CELF2: variants seen among roughly 807,000 people sequenced by gnomAD.
CELF2 encodes CUG triplet repeat RNA-binding protein 2.
In CELF2, 8 loss-of-function variants were observed where a neutral mutation model predicts 62.6. The observed-to-expected ratio is 0.13, with a 90% CI of 0.07 to 0.23. The LOEUF (loss-of-function observed/expected upper bound fraction) is 0.23, where lower values mean the gene tolerates loss of function less well. Ranked by LOEUF, CELF2 falls within the 10% of genes least tolerant of loss-of-function variation. CELF2 has a pLI of 1.00. For missense variants in CELF2, 333 were observed against 671.0 expected, an observed-to-expected ratio of 0.50 and a Z score of 5.56; for synonymous variants, 258 against 250.0, an observed-to-expected ratio of 1.03 and a Z score of -0.30.
chr10:10,759,357 T>C, the CELF2 span, among the ~76,000 whole-genome samples: 1 of 142,378 alleles, frequency 7.0e-6, no homozygotes, highest in South Asian at 2.3e-4. Context: ...TCTCCCAGGC[T>C]GGAGCACAGT....
At chr10:10,650,636 A>T in the CELF2 span, among the ~76,000 whole-genome samples, 2 of 152,384 alleles carry the variant, frequency 1.3e-5, no homozygotes, top group Non-Finnish European at 2.9e-5. Context: ...ATACAACTTC[A>T]TACTCTCTAG....
intron 1 of CELF2, among the ~76,000 whole-genome samples, chr10:11,031,953 C>A (rs1042707364): frequency 1.3e-5 from 2 of 152,042 alleles, no homozygotes; most frequent in Non-Finnish European, 2.9e-5. Flanking sequence ...ATTGTTGACT[C>A]AATCACAGTG....
the CELF2 span, among the ~76,000 whole-genome samples, chr10:10,545,580 C>A: frequency 3.3e-5 from 5 of 152,298 alleles, no homozygotes; most frequent in African/African-American, 4.8e-5. Flanking sequence ...TAAAATGGTG[C>A]TTTATTCCAT....
the CELF2 span, among the ~76,000 whole-genome samples, chr10:10,673,293 A>G: frequency 6.6e-6 from 1 of 152,052 alleles, no homozygotes; most frequent in Non-Finnish European, 1.5e-5. Flanking sequence ...TTATTGCACT[A>G]GCTAGTATTT....
chr10:10,475,883 C>T, the CELF2 span, among the ~76,000 whole-genome samples: 4 of 152,066 alleles, frequency 2.6e-5, no homozygotes, highest in East Asian at 7.7e-4. Context: ...TTTCTGTACT[C>T]CACTTTTAAG....
At chr10:11,033,871 G>A (rs2060538598) in intron 1 of CELF2, among the ~76,000 whole-genome samples, 2 of 152,182 alleles carry the variant, frequency 1.3e-5, no homozygotes, top group South Asian at 4.1e-4. Flanking sequence ...AGTTACAAGC[G>A]ACCCATTATT....
chr10:11,196,189 C>T (rs1187170006), intron 2 of CELF2, among the ~76,000 whole-genome samples: 1 of 152,228 alleles, frequency 6.6e-6, no homozygotes, highest in Non-Finnish European at 1.5e-5. Flanking sequence ...AGTCGTCCCA[C>T]AGTAACCCTG....
the CELF2 span, among the ~76,000 whole-genome samples, chr10:10,474,128 G>A: frequency 6.6e-6 from 1 of 151,878 alleles, no homozygotes; most frequent in Non-Finnish European, 1.5e-5. Flanking sequence ...GTATCCAAGG[G>A]CAAAAGGAAA....
rs1237502160 is a variant in CELF2 at position 11,227,329 on chromosome 10, C to T, written c.354+9822C>T. Among the ~76,000 whole-genome samples the T allele has an allele frequency of 4.6e-5, 7 of 152,328 alleles. No homozygotes were observed. The East Asian group carries it at 9.6e-4, about 21-fold the overall frequency. On this transcript the variant is annotated intron_variant, in intron 3 of 12. Coordinates refer to ENST00000633077, the MANE Select transcript of CELF2 (RefSeq NM_001326342.2). This position sits in a 1 kb window ranked among gnomAD's most constrained non-coding sequence, Gnocchi z 4.8. ...GCTGCCGACAAGGGACCAGACTCAC[C>T]ACCACAAACCAGGGCACTGAGAGGT...
the CELF2 span, among the ~76,000 whole-genome samples, chr10:10,657,810 T>C: frequency 1.3e-5 from 2 of 152,230 alleles, no homozygotes; most frequent in African/African-American, 4.8e-5. Context: ...AAGATGTTCA[T>C]TATAATATGC....
In CELF2 at chr10:11,165,443, A is replaced by G; in HGVS notation, c.75-43A>G. ...CCACTATTTTTTCTTCCTGTCCCTC[A>G]TCGTGCCGCCCTAACTCTGGCTCCC... On this transcript the variant is annotated intron_variant, in intron 1 of 12. Transcript: ENST00000633077. The surrounding 1 kb of genome is among the most constrained non-coding windows in gnomAD (Gnocchi z 7.4). 6.4e-7 allele frequency: 1 copy of G among 1,570,756 alleles called. No individual in the cohort carries two copies. Among genetic ancestry groups the G allele is most frequent in the Non-Finnish European group, 8.7e-7 (1 of 1,154,978 alleles).
At chr10:10,573,621 A>T in the CELF2 span, among the ~76,000 whole-genome samples, 4 of 152,222 alleles carry the variant, frequency 2.6e-5, no homozygotes, top group Non-Finnish European at 4.4e-5. Flanking sequence ...TTACATTTTT[A>T]TTGTTTTTAT....
Position 10,972,161 on chromosome 10 carries a change from G to A in CELF2, c.89+52162G>A, listed in dbSNP as rs1466982358. Reference sequence around the variant, plus strand: ...ATACTGGATTTCTCTGTGGCACTGAGCTCACAGACAATTTCTTATTCAGGG... The same window carrying A: ...ATACTGGATTTCTCTGTGGCACTGAACTCACAGACAATTTCTTATTCAGGG... On this transcript the variant is annotated intron_variant, in intron 2 of 13. Transcript: ENST00000636488. This position sits in a 1 kb window ranked among gnomAD's most constrained non-coding sequence, Gnocchi z 4.4. Among the ~76,000 whole-genome samples the A allele has an allele frequency of 6.6e-6, 1 of 152,090 alleles. No homozygotes were observed. Among genetic ancestry groups the A allele is most frequent in the Non-Finnish European group, 1.5e-5 (1 of 68,028 alleles).
At chr10:11,052,408 A>G (rs1365515531) in intron 1 of CELF2, among the ~76,000 whole-genome samples, 4 of 152,124 alleles carry the variant, frequency 2.6e-5, no homozygotes, top group Non-Finnish European at 5.9e-5. Flanking sequence ...GACACCTGAG[A>G]TTGAAGCTTC....
At chr10:11,186,498 C>T (rs941109243) in intron 2 of CELF2, among the ~76,000 whole-genome samples, 5 of 152,040 alleles carry the variant, frequency 3.3e-5, no homozygotes, top group Non-Finnish European at 5.9e-5. Flanking sequence ...TTACCTACAT[C>T]CACAAATTCT....
chr10:11,086,878 A>G (rs947922568), intron 1 of CELF2, among the ~76,000 whole-genome samples: 1 of 152,146 alleles, frequency 6.6e-6, no homozygotes, highest in Non-Finnish European at 1.5e-5. Flanking sequence ...TCTTAAAGGG[A>G]CAGGAGGAGA....
rs2096041012 is a variant in CELF2 at position 11,332,276 on chromosome 10, GAC to G, written c.*3225_*3226del. On this transcript the variant is annotated 3_prime_UTR_variant, in exon 13 of 13. Transcript: ENST00000633077. Reference sequence around the variant, plus strand: ...TTGCAGTAAAACGACTTTGTGGCAGGACAGTCTCTTGAGGGGTTTTGTTTCTG... The same window carrying G: ...TTGCAGTAAAACGACTTTGTGGCAGGAGTCTCTTGAGGGGTTTTGTTTCTG... 1 of 152,182 alleles carries G rather than the reference GAC, an allele frequency of 6.6e-6. No homozygotes were observed. Among genetic ancestry groups the G allele is most frequent in the Non-Finnish European group, 1.5e-5 (1 of 68,038 alleles). The allele number at this position is 152,182 out of a possible 1,614,324, so 9.4% of individuals were successfully genotyped here.
chr10:11,192,916 T>C (rs2076583592), intron 2 of CELF2, among the ~76,000 whole-genome samples: 1 of 152,222 alleles, frequency 6.6e-6, no homozygotes, highest in Non-Finnish European at 1.5e-5. Context: ...AGGACCAAGC[T>C]GGACGTTGCG....
intron 10 of CELF2, chr10:11,317,914 A>G (rs1591417330): frequency 1.3e-5 from 2 of 152,236 alleles, no homozygotes; most frequent in Non-Finnish European, 2.9e-5. Context: ...AATAGCATGC[A>G]TGGGAATGGA....
Sources: gnomAD v4.1 joint callset for allele counts (sites outside exome capture counted in the v4.1 genomes callset) on GRCh38, gnomAD v4.1.1 for gene constraint, Gnocchi (gnomAD v3.1) non-coding constraint, MANE v1.5 for transcripts, NCBI Gene and HGNC (gene_info 2026-07-23, HGNC 2026-07-21) for gene names.